The following GARIN6 variants were observed in gnomAD, a reference collection of about 807,000 sequenced individuals.
GARIN6 encodes the protein Golgi-associated RAB2 interactor protein 6.
At chr12:99,649,726 A>G in the GARIN6 span, 2 of 239,850 alleles carry the variant, frequency 8.3e-6, no homozygotes, top group Non-Finnish European at 1.6e-5. Flanking sequence ...AGTAAGTGCT[A>G]CTGGCCTCTC....
At chr12:99,649,926 C>T in the GARIN6 span, 1 of 154,716 alleles carries the variant, frequency 6.5e-6, no homozygotes, top group Non-Finnish European at 1.4e-5. Context: ...CTCTACCTAG[C>T]TGGATTGACT....
the GARIN6 span, chr12:99,648,142 G>A: frequency 2.5e-6 from 4 of 1,584,558 alleles, no homozygotes; most frequent in South Asian, 2.3e-5. Context: ...GTGTGGAGCA[G>A]CTGCTGGGAA....
the GARIN6 span, among the ~76,000 whole-genome samples, chr12:99,649,025 T>G: frequency 6.6e-6 from 1 of 152,188 alleles, no homozygotes; most frequent in Non-Finnish European, 1.5e-5. Context: ...ACTCTTCATT[T>G]TATATCCACA....
the GARIN6 span, chr12:99,648,604 A>C: frequency 6.2e-7 from 1 of 1,614,196 alleles, no homozygotes; most frequent in Non-Finnish European, 8.5e-7. Flanking sequence ...GAAGCTTGCC[A>C]CGGGCCGCTC....
the GARIN6 span, chr12:99,647,933 A>G: frequency 1.9e-6 from 1 of 526,112 alleles, no homozygotes; most frequent in South Asian, 3.2e-5. Flanking sequence ...TGCTCCTGAC[A>G]GCTCCATGCA....
chr12:99,648,089 G>A, the GARIN6 span: 1 of 1,522,788 alleles, frequency 6.6e-7, no homozygotes, highest in South Asian at 1.3e-5. Flanking sequence ...ACCTGCCAGA[G>A]TAGCCAAGGA....
the GARIN6 span, chr12:99,648,258 G>C: frequency 3.7e-6 from 6 of 1,614,202 alleles, no homozygotes; most frequent in South Asian, 6.6e-5. Context: ...TGGGGAAGCT[G>C]CAGCGGCAAC....
chr12:99,648,072 C>T, the GARIN6 span: 2 of 1,486,798 alleles, frequency 1.3e-6, no homozygotes, highest in Non-Finnish European at 1.8e-6. Context: ...AACACGACTG[C>T]TGGCCCACCT....
the GARIN6 span, chr12:99,648,307 A>G: frequency 6.2e-7 from 1 of 1,614,046 alleles, no homozygotes; most frequent in Admixed American, 1.7e-5. Flanking sequence ...GTATGCACCC[A>G]TGTTTGAGAG....
the GARIN6 span, chr12:99,648,222 C>T: frequency 2.2e-5 from 35 of 1,613,992 alleles, no homozygotes; most frequent in South Asian, 3.3e-5. Context: ...AAAGCAGCCC[C>T]GCAATGGGCA....
the GARIN6 span, chr12:99,649,391 A>T: frequency 1.2e-6 from 2 of 1,610,294 alleles, no homozygotes; most frequent in Non-Finnish European, 8.5e-7. Flanking sequence ...TATACAATAG[A>T]GATATGAATC....
chr12:99,649,560 C>T, the GARIN6 span: 37 of 592,824 alleles, frequency 6.2e-5, no homozygotes, highest in African/African-American at 5.9e-4. Context: ...AGTCTGCAGA[C>T]TCAGGAGAGA....
chr12:99,648,656 AC>A, the GARIN6 span: 12 of 1,614,012 alleles, frequency 7.4e-6, no homozygotes, highest in Non-Finnish European at 1.0e-5. Context: ...GCAAGTGAAG[AC>A]CTTTTTGTTC....
chr12:99,649,451 G>C, the GARIN6 span: 2 of 1,434,744 alleles, frequency 1.4e-6, no homozygotes, highest in Non-Finnish European at 2.0e-6. Flanking sequence ...CACCCCTGCA[G>C]TCATAAAACC....
chr12:99,648,326 T>A, the GARIN6 span: 1 of 1,613,984 alleles, frequency 6.2e-7, no homozygotes, highest in African/African-American at 1.3e-5. Flanking sequence ...AGCGACTTTA[T>A]CCAGATCAGC....
the GARIN6 span, chr12:99,648,693 G>A: frequency 6.2e-7 from 1 of 1,614,152 alleles, no homozygotes; most frequent in South Asian, 1.1e-5. Context: ...TTTACATCCT[G>A]AGACCACCAG....
the GARIN6 span, chr12:99,648,018 C>G: frequency 2.0e-6 from 2 of 1,009,586 alleles, no homozygotes; most frequent in Non-Finnish European, 2.8e-6. Context: ...ATACCCCACC[C>G]TCCCTGTTCT....
chr12:99,649,715 C>A, the GARIN6 span: 1 of 255,324 alleles, frequency 3.9e-6, no homozygotes, highest in South Asian at 5.8e-5. Context: ...TCAAGCATAT[C>A]AGTAAGTGCT....
chr12:99,647,977 A>T, the GARIN6 span: 1 of 685,100 alleles, frequency 1.5e-6, no homozygotes, highest in Non-Finnish European at 2.4e-6. Context: ...CAGGGGACTG[A>T]CTGTCTCTGG....
Sources: gnomAD v4.1 joint callset for allele counts (sites outside exome capture counted in the v4.1 genomes callset) on GRCh38, gnomAD v4.1.1 for gene constraint, MANE v1.5 for transcripts, NCBI Gene and HGNC (gene_info 2026-07-23, HGNC 2026-07-21) for gene names.